The following ARHGEF4 variants were observed in gnomAD, a reference collection of about 807,000 sequenced individuals.
ARHGEF4 encodes the protein Rho guanine nucleotide exchange factor 4, also known as APC-stimulated guanine nucleotide exchange factor 1.
Under a neutral mutation model 162.0 loss-of-function variants are expected in ARHGEF4, and 119 were observed. The ratio of observed to expected loss-of-function variants is 0.73; its 90% CI spans 0.63 to 0.86. ARHGEF4 has a LOEUF of 0.86. Ranked by LOEUF, ARHGEF4 falls within the 40% of genes least tolerant of loss-of-function variation. ARHGEF4 has a pLI of 0.00. For synonymous variants in ARHGEF4, 1,014 were observed against 979.9 expected (o/e 1.03, Z -0.65); for missense variants, 2,488 against 2,456.0 (o/e 1.01, Z -0.28).
intron 4 of ARHGEF4, among the ~76,000 whole-genome samples, chr2:130,994,101 C>A (rs1299806216): frequency 6.6e-6 from 1 of 152,170 alleles, no homozygotes; most frequent in African/African-American, 2.4e-5. Context: ...TTTAACCTTT[C>A]TGTGGCTTTA....
Position 130,916,795 on chromosome 2 carries a change from G to T in ARHGEF4, c.2849G>T (p.Gly950Val). Residue 950 changes from glycine (G) to valine (V), a missense_variant, in exon 2 of 14, where the codon GGT (glycine) becomes GTT (valine). Physicochemically the swap from Gly to Val is moderately radical, Grantham distance 109. Around this residue, in one of 6 missense-constraint regions of ARHGEF4, gnomAD observed 1,642 missense variants for 1,481.5 expected, o/e 1.11. Transcript: ENST00000409359. Reference sequence around the variant, plus strand: ...AAGGAGAAGAGCAGGCTGCGCCAGGGTTCCTGGCGGGCGTTTCTGAAAAGC... The same window carrying T: ...AAGGAGAAGAGCAGGCTGCGCCAGGTTTCCTGGCGGGCGTTTCTGAAAAGC... Reference protein sequence around the residue: ...GEKEKSRLRQGSWRAFLKSKD... With the variant: ...GEKEKSRLRQVSWRAFLKSKD... The T allele has an allele frequency of 1.3e-6, 2 of 1,550,452 alleles. No homozygotes were observed. The highest frequency in any genetic ancestry group is 1.7e-6 in the Non-Finnish European group (2 of 1,147,010).
chr2:130,874,148 C>A (rs1054864498), intron 1 of ARHGEF4, among the ~76,000 whole-genome samples: 1 of 152,236 alleles, frequency 6.6e-6, no homozygotes, highest in Admixed American at 6.5e-5. Context: ...TCACCCCACG[C>A]TGGGGGATCT....
At chr2:131,039,147 G>C (rs1001976333) in intron 6 of ARHGEF4, 115 bp downstream of exon 6, 1 of 1,345,470 alleles carries the variant, frequency 7.4e-7, no homozygotes, top group African/African-American at 1.5e-5. Context: ...GCACTGGGTG[G>C]TGGGTGTCGG....
intron 3 of ARHGEF4, among the ~76,000 whole-genome samples, chr2:130,939,291 C>G (rs554763028): frequency 6.6e-6 from 1 of 152,228 alleles, no homozygotes; most frequent in African/African-American, 2.4e-5. Flanking sequence ...TTCTTTTCTT[C>G]TTTTCTTTTT....
chr2:130,956,459 CCCATT>C (rs1284954514), intron 4 of ARHGEF4, among the ~76,000 whole-genome samples: 1 of 151,872 alleles, frequency 6.6e-6, no homozygotes, highest in Non-Finnish European at 1.5e-5. Flanking sequence ...ACCCAGCCAT[CCCATT>C]ACTGGGTATA....
intron 4 of ARHGEF4, among the ~76,000 whole-genome samples, chr2:130,955,001 T>C (rs886524419): frequency 2.2e-4 from 34 of 152,312 alleles, no homozygotes; most frequent in Non-Finnish European, 3.1e-4. Flanking sequence ...CTTTGGCTTA[T>C]GTAATTTCTA....
chr2:131,023,691 A>C (rs1332775451), intron 4 of ARHGEF4, among the ~76,000 whole-genome samples: 1 of 152,194 alleles, frequency 6.6e-6, no homozygotes, highest in Non-Finnish European at 1.5e-5. Flanking sequence ...ACTCTGGAAA[A>C]TAGTTTGGCA....
At chr2:130,896,576 G>T (rs1055014031) in intron 1 of ARHGEF4, among the ~76,000 whole-genome samples, 10 of 152,258 alleles carry the variant, frequency 6.6e-5, no homozygotes, top group Admixed American at 5.2e-4. Flanking sequence ...GATGAAACAT[G>T]TGAGGCCCAG....
At chr2:130,897,488 G>T (rs1680230720) in intron 1 of ARHGEF4, among the ~76,000 whole-genome samples, 1 of 152,222 alleles carries the variant, frequency 6.6e-6, no homozygotes, top group Admixed American at 6.5e-5. Context: ...CGGGGGTAAT[G>T]TGGGGCCTGG....
chr2:130,931,461 T>A (rs541481508), intron 3 of ARHGEF4, among the ~76,000 whole-genome samples: 1 of 152,256 alleles, frequency 6.6e-6, no homozygotes, highest in South Asian at 2.1e-4. Context: ...AGCAGTGCAT[T>A]CCCCAGAGCC....
chr2:130,925,518 A>G (rs1236802062), intron 2 of ARHGEF4, among the ~76,000 whole-genome samples: 1 of 151,812 alleles, frequency 6.6e-6, no homozygotes, highest in East Asian at 1.9e-4. Flanking sequence ...ATCTGCAGGC[A>G]ATAAATTCTC....
rs1254891408 is a variant in ARHGEF4, at chr2:130,885,246, A to G, written c.40-28740A>G. Among the ~76,000 whole-genome samples, 4 of 152,144 alleles carry G rather than the reference A, an allele frequency of 2.6e-5. No individual in the cohort carries two copies. The South Asian group carries it at 6.2e-4, about 24-fold the overall frequency. ...CCTGCTCTGAGGGACAGTCTTGTCC[A>G]ACGTTAAGAGGAAAGTCAACAGGGT... On this transcript the variant is annotated intron_variant, in intron 1 of 13. Coordinates refer to ENST00000409359, the MANE Select transcript of ARHGEF4 (RefSeq NM_001367493.1).
At position 130,986,318 on chromosome 2, in the gene ARHGEF4, T is replaced by C. The variant is rs369268853; in HGVS notation, c.3985+39683T>C. On this transcript the variant is annotated intron_variant, in intron 4 of 13. Coordinates refer to ENST00000409359, the MANE Select transcript of ARHGEF4 (RefSeq NM_001367493.1). ...GCCCCAGGTTGCATGTGGCAGTGTGTTCACATGGAGAGGCCTAGTGTCTGC... is the reference window on the plus strand; with the variant it reads ...GCCCCAGGTTGCATGTGGCAGTGTGCTCACATGGAGAGGCCTAGTGTCTGC... Among the ~76,000 whole-genome samples the C allele has an allele frequency of 1.6e-3, 246 of 152,262 alleles. 1 individual carries two copies. The highest frequency in any genetic ancestry group is 5.6e-3 in the African/African-American group (233 of 41,554).
At position 130,918,652 on chromosome 2, in the gene ARHGEF4, C is replaced by T. The variant is rs889521159; in HGVS notation, c.3552+1154C>T. Among the ~76,000 whole-genome samples, 4 of 152,294 alleles carry T rather than the reference C, an allele frequency of 2.6e-5. No individual in the cohort carries two copies. In the South Asian group the frequency reaches 8.3e-4, roughly 32 times the overall value. On this transcript the variant is annotated intron_variant, in intron 2 of 13. Coordinates refer to ENST00000409359, the MANE Select transcript of ARHGEF4 (RefSeq NM_001367493.1). ...AAGGTGCTGGCAGAGCGCCTCCAGG[C>T]CAGGTGGGCTGCTAAGAGGGGCGGA...
At chr2:130,874,190 G>C (rs1678680503) in intron 1 of ARHGEF4, among the ~76,000 whole-genome samples, 1 of 152,252 alleles carries the variant, frequency 6.6e-6, no homozygotes, top group South Asian at 2.1e-4. Context: ...CTCAGTCCCT[G>C]CAGATGTTTG....
At chr2:130,926,947 C>G (rs998567570) in intron 2 of ARHGEF4, among the ~76,000 whole-genome samples, 3 of 141,830 alleles carry the variant, frequency 2.1e-5, no homozygotes, top group Non-Finnish European at 4.5e-5. Context: ...TGGAATGTCT[C>G]TGGTTGGAGG....
Position 131,025,814 on chromosome 2 carries a change from A to G in ARHGEF4, c.3986-2131A>G, listed in dbSNP as rs534543430. ...CCTGAGAGTAAGATAAGAGTCATGG[A>G]TGGGACTCTCACAGACGAGAAAATG... On this transcript the variant is annotated intron_variant, in intron 4 of 13. Transcript: ENST00000409359. Among the ~76,000 whole-genome samples the G allele has an allele frequency of 8.0e-3, 1,211 of 152,272 alleles. 8 individuals carry two copies. The highest frequency in any genetic ancestry group is 0.01 in the South Asian group (49 of 4,816).
intron 1 of ARHGEF4, among the ~76,000 whole-genome samples, chr2:130,850,303 C>G (rs1681313515): frequency 6.6e-6 from 1 of 152,198 alleles, no homozygotes; most frequent in African/African-American, 2.4e-5. Flanking sequence ...GTCCCTGGTA[C>G]CCCTCATATG....
At chr2:130,873,652 A>G (rs747172748) in intron 1 of ARHGEF4, among the ~76,000 whole-genome samples, 28 of 152,024 alleles carry the variant, frequency 1.8e-4, no homozygotes, top group Non-Finnish European at 3.4e-4. Flanking sequence ...TGACAGAACT[A>G]AGTAGGACAT....
Sources: allele counts gnomAD v4.1 joint callset (sites outside exome capture counted in the v4.1 genomes callset), GRCh38; gene constraint gnomAD v4.1.1; regional missense constraint gnomAD v4.1.1; transcripts MANE v1.5; gene names NCBI Gene and HGNC (gene_info 2026-07-23, HGNC 2026-07-21).